ZNF652: variants seen among roughly 807,000 people sequenced by gnomAD.
The protein encoded by ZNF652 is zinc finger protein 652.
ZNF652 carries 16 observed loss-of-function variants against 45.2 expected under a neutral mutation model. The observed-to-expected ratio is 0.35, with a 90% CI of 0.24 to 0.54. The LOEUF is 0.54. Among genes scored for constraint, ZNF652 ranks in the 20% least tolerant of loss-of-function variants. The pLI is 0.91. For missense variants in ZNF652, 614 were observed against 765.6 expected (o/e 0.80, Z 2.34); for synonymous variants, 250 against 260.6 (o/e 0.96, Z 0.39).
intron 5 of ZNF652, among the ~76,000 whole-genome samples, chr17:49,304,427 C>G (rs894753035): frequency 6.6e-6 from 1 of 152,110 alleles, no homozygotes; most frequent in Non-Finnish European, 1.5e-5. Flanking sequence ...GGCCGCATCT[C>G]CTAAATGTGT....
At chr17:49,348,161 G>A (rs766332618) in intron 1 of ZNF652, among the ~76,000 whole-genome samples, 5 of 152,038 alleles carry the variant, frequency 3.3e-5, no homozygotes, top group Admixed American at 6.6e-5. Flanking sequence ...TCAGACTATG[G>A]AAAACTATAC....
chr17:49,336,541 C>A (rs557109108), intron 1 of ZNF652, among the ~76,000 whole-genome samples: 1 of 151,850 alleles, frequency 6.6e-6, no homozygotes, highest in East Asian at 1.9e-4. Flanking sequence ...GTTGGCCAGG[C>A]TGATCTTGAA....
intron 5 of ZNF652, among the ~76,000 whole-genome samples, chr17:49,299,616 G>C (rs2054772602): frequency 6.6e-6 from 1 of 151,342 alleles, no homozygotes; most frequent in African/African-American, 2.4e-5. Context: ...CCTGACCTCA[G>C]GTGATCTACC....
intron 5 of ZNF652, among the ~76,000 whole-genome samples, chr17:49,307,460 G>T (rs1307844155): frequency 3.2e-5 from 3 of 93,072 alleles, no homozygotes; most frequent in South Asian, 3.5e-4. Context: ...AAAAAAAAAA[G>T]GCCAGGCACA....
chr17:49,300,725 G>C (rs1383471268), intron 5 of ZNF652, among the ~76,000 whole-genome samples: 2 of 152,060 alleles, frequency 1.3e-5, no homozygotes, highest in East Asian at 3.9e-4. Context: ...CACTTCCCTT[G>C]CTGCTCCCTC....
At chr17:49,304,905 C>T (rs2069607683) in intron 5 of ZNF652, among the ~76,000 whole-genome samples, 2 of 147,808 alleles carry the variant, frequency 1.4e-5, no homozygotes, top group Non-Finnish European at 3.0e-5. Context: ...TACACACACA[C>T]ATACATATAT....
In ZNF652 at chr17:49,328,479, C is replaced by T. The variant is rs114986334; in HGVS notation, c.-258-10496G>A. On this transcript the variant is annotated intron_variant, in intron 1 of 5. Coordinates refer to ENST00000430262, the MANE Select transcript of ZNF652 (RefSeq NM_001145365.3). ...GTAATCCTCAATGTTGGAGGTGAGG[C>T]CTGGTGGGAGGTGTTTGGGTCATGG... Among the ~76,000 whole-genome samples, 680 of 152,122 alleles carry T rather than the reference C, an allele frequency of 4.5e-3. 4 individuals carry two copies. The highest frequency in any genetic ancestry group is 0.014 in the African/African-American group (595 of 41,484).
chr17:49,328,747 C>G (rs2069993073), intron 1 of ZNF652, among the ~76,000 whole-genome samples: 1 of 152,230 alleles, frequency 6.6e-6, no homozygotes, highest in Non-Finnish European at 1.5e-5. Flanking sequence ...TGCAGAACCA[C>G]AAGCCCAAAT....
At chr17:49,346,749 A>C (rs2070209669) in intron 1 of ZNF652, among the ~76,000 whole-genome samples, 1 of 152,184 alleles carries the variant, frequency 6.6e-6, no homozygotes, top group African/African-American at 2.4e-5. Context: ...AATGTATACA[A>C]AGTAAATAAA....
At chr17:49,358,652 G>A (rs1156373320) in intron 1 of ZNF652, among the ~76,000 whole-genome samples, 4 of 152,110 alleles carry the variant, frequency 2.6e-5, no homozygotes, top group Non-Finnish European at 4.4e-5. Context: ...AATCACATCA[G>A]TAGCATTACT....
intron 5 of ZNF652, 52 bp downstream of exon 5, chr17:49,311,260 T>A (rs2069707359): frequency 1.9e-6 from 3 of 1,561,646 alleles, no homozygotes; most frequent in African/African-American, 1.4e-5. Flanking sequence ...CCACAGATGA[T>A]CATCAACAAG....
chr17:49,301,302 C>T (rs1272425802), intron 5 of ZNF652, among the ~76,000 whole-genome samples: 1 of 151,168 alleles, frequency 6.6e-6, no homozygotes, highest in Non-Finnish European at 1.5e-5. Flanking sequence ...TGTCTTTACG[C>T]TTTTTTTTTG....
At chr17:49,358,505 T>C (rs933998204) in intron 1 of ZNF652, among the ~76,000 whole-genome samples, 3 of 152,200 alleles carry the variant, frequency 2.0e-5, no homozygotes, top group Non-Finnish European at 4.4e-5. Flanking sequence ...CTGACTTTTT[T>C]ATAACAAGGG....
At chr17:49,340,375 GCGAAAC>G (rs1430274041) in intron 1 of ZNF652, among the ~76,000 whole-genome samples, 3 of 151,860 alleles carry the variant, frequency 2.0e-5, no homozygotes, top group Non-Finnish European at 4.4e-5. Context: ...GGCCAACATG[GCGAAAC>G]CTTGTCTCTA....
chr17:49,302,123 G>A (rs778899438), intron 5 of ZNF652, among the ~76,000 whole-genome samples: 1 of 151,602 alleles, frequency 6.6e-6, no homozygotes, highest in Non-Finnish European at 1.5e-5. Flanking sequence ...GCATGGTGGT[G>A]TGCACCTGCA....
intron 1 of ZNF652, among the ~76,000 whole-genome samples, chr17:49,323,993 C>T (rs1369965836): frequency 6.6e-6 from 1 of 152,172 alleles, no homozygotes; most frequent in Non-Finnish European, 1.5e-5. Flanking sequence ...ACATTAGCCC[C>T]TAGCAAGAGA....
chr17:49,356,161 C>T (rs2070333922), intron 1 of ZNF652, among the ~76,000 whole-genome samples: 3 of 151,952 alleles, frequency 2.0e-5, no homozygotes, highest in Admixed American at 2.0e-4. Context: ...GGCGCAGTGG[C>T]TCACACCTGT....
At chr17:49,336,114 T>C (rs941489544) in intron 1 of ZNF652, among the ~76,000 whole-genome samples, 3 of 152,016 alleles carry the variant, frequency 2.0e-5, no homozygotes, top group Non-Finnish European at 4.4e-5. Context: ...AACCTCCGCC[T>C]CCTGGGTTCA....
At chr17:49,331,390 G>A (rs1401321899) in intron 1 of ZNF652, among the ~76,000 whole-genome samples, 3 of 152,020 alleles carry the variant, frequency 2.0e-5, no homozygotes, top group African/African-American at 7.2e-5. Flanking sequence ...CAAAGTGCTG[G>A]GATTACAGGC....
Sources: allele counts gnomAD v4.1 joint callset (sites outside exome capture counted in the v4.1 genomes callset), GRCh38; gene constraint gnomAD v4.1.1; transcripts MANE v1.5; gene names NCBI Gene and HGNC (gene_info 2026-07-23, HGNC 2026-07-21).